The following PCDHA4 variants were observed in gnomAD, a reference collection of about 807,000 sequenced individuals.
The protein encoded by PCDHA4 is protocadherin alpha-4.
Under a neutral mutation model 61.4 loss-of-function variants are expected in PCDHA4, and 49 were observed. That is an observed-to-expected ratio of 0.80 (90% CI 0.63 to 1.01). The LOEUF (loss-of-function observed/expected upper bound fraction) is 1.01. PCDHA4 is among the 50% of genes least tolerant of loss of function. The pLI is 0.00. For missense variants in PCDHA4, 1,254 were observed against 1,235.8 expected (o/e 1.01, Z -0.22); for synonymous variants, 590 against 550.3 (o/e 1.07, Z -1.01).
In PCDHA4 at chr5:141,010,434, A is replaced by G; in HGVS notation, c.*497A>G. 9.7e-7 allele frequency: 1 copy of G among 1,031,156 alleles called. No homozygotes were observed. Among genetic ancestry groups the G allele is most frequent in the Non-Finnish European group, 1.4e-6 (1 of 732,962 alleles). 63.9% of individuals were successfully genotyped at this position (1,031,156 alleles called of 1,614,324 possible). A position where few individuals can be genotyped will look rare whatever the true frequency, so the allele number is the denominator to read the frequency against. ...TTGGTACAAGGAAGGCAAGAAAACA[A>G]AGACAAATAAACAGCGGAAGTTATC... On this transcript the variant is annotated 3_prime_UTR_variant, in exon 4 of 4. Transcript: ENST00000530339.
chr5:140,850,556 G>A (rs1554144496), intron 1 of PCDHA4: 1 of 1,598,290 alleles, frequency 6.3e-7, no homozygotes. Flanking sequence ...TGGGTGCCAC[G>A]GGCCCCGAGG....
intron 1 of PCDHA4, among the ~76,000 whole-genome samples, chr5:140,871,899 A>G (rs1160830243): frequency 2.6e-5 from 4 of 152,208 alleles, no homozygotes; most frequent in Admixed American, 2.0e-4. Context: ...CTTTTAGCAG[A>G]GTTTTGCCTT....
chr5:140,814,025 T>G (rs1765421456), intron 1 of PCDHA4: 1 of 152,870 alleles, frequency 6.5e-6, no homozygotes, highest in Non-Finnish European at 1.5e-5. Context: ...CAGTAATAAA[T>G]TAACCTTAGC....
At chr5:140,995,488 C>T (rs1402273935) in intron 3 of PCDHA4, among the ~76,000 whole-genome samples, 26 of 152,182 alleles carry the variant, frequency 1.7e-4, no homozygotes, top group Admixed American at 1.6e-3. Context: ...TATTTTCAGA[C>T]TAAGGTTGAC....
chr5:141,002,649 T>C (rs2098089134), intron 3 of PCDHA4, among the ~76,000 whole-genome samples: 2 of 152,214 alleles, frequency 1.3e-5, no homozygotes, highest in South Asian at 2.1e-4. Context: ...GTCTACTTCA[T>C]AGGGCTCTTG....
intron 1 of PCDHA4, among the ~76,000 whole-genome samples, chr5:140,901,760 G>C (rs909858668): frequency 6.6e-6 from 1 of 152,102 alleles, no homozygotes; most frequent in Admixed American, 6.5e-5. Context: ...TTTTGACAGG[G>C]ATTGCATTGA....
chr5:141,000,136 G>A (rs2097893947), intron 3 of PCDHA4, among the ~76,000 whole-genome samples: 2 of 152,034 alleles, frequency 1.3e-5, no homozygotes, highest in South Asian at 4.1e-4. Flanking sequence ...TTCACAAGAA[G>A]TAAACAAAAC....
In PCDHA4 at chr5:140,830,082, C is replaced by T. The variant is rs1330292023; in HGVS notation, c.2385+20510C>T. On this transcript the variant is annotated intron_variant, in intron 1 of 3. Coordinates refer to ENST00000530339, the MANE Select transcript of PCDHA4 (RefSeq NM_018907.4). ...GAGCCGGCGCTGACAGCGACGGCCA[C>T]GGTTCTGGTGTCGCTGGTGGAGAGT... 8.7e-6 allele frequency: 14 copies of T among 1,613,566 alleles called. No homozygotes were observed. The highest frequency in any genetic ancestry group is 1.3e-5 in the African/African-American group (1 of 75,018).
chr5:140,848,048 A>G, intron 1 of PCDHA4: 1 of 161,290 alleles, frequency 6.2e-6, no homozygotes, highest in Admixed American at 5.8e-5. Context: ...GAATCATTTT[A>G]ATTGTTACTT....
chr5:140,863,377 G>C (rs782482597), intron 1 of PCDHA4: 1 of 1,100,622 alleles, frequency 9.1e-7, no homozygotes, highest in African/African-American at 1.6e-5. Context: ...GCAGCTCACC[G>C]AGAGCTCGTG....
intron 3 of PCDHA4, among the ~76,000 whole-genome samples, chr5:141,007,395 C>CAAAAAAAAAAAAAAAA (rs35800918): frequency 3.2e-5 from 3 of 94,864 alleles, no homozygotes; most frequent in Non-Finnish European, 4.1e-5. Flanking sequence ...TACTAAAATA[C>CAAAAAAAAAAAAAAAA]AAAAAAAAAA....
At chr5:140,881,195 A>G (rs943462031) in intron 1 of PCDHA4, 1 of 173,206 alleles carries the variant, frequency 5.8e-6, no homozygotes, top group Non-Finnish European at 1.1e-5. Context: ...ATATGTTAAC[A>G]TCTTTGTCTA....
At chr5:140,872,544 C>T (rs912822292) in intron 1 of PCDHA4, among the ~76,000 whole-genome samples, 1 of 152,126 alleles carries the variant, frequency 6.6e-6, no homozygotes, top group Admixed American at 6.5e-5. Context: ...AGAGGATCCC[C>T]TGAACCCAGG....
chr5:140,889,509 C>T (rs2062255316), intron 1 of PCDHA4, among the ~76,000 whole-genome samples: 2 of 152,026 alleles, frequency 1.3e-5, no homozygotes, highest in Admixed American at 6.6e-5. Flanking sequence ...ATTTCCCTTT[C>T]CATTCTTGAT....
intron 1 of PCDHA4, among the ~76,000 whole-genome samples, chr5:140,916,511 C>G (rs2077595595): frequency 6.6e-6 from 1 of 152,132 alleles, no homozygotes; most frequent in African/African-American, 2.4e-5. Flanking sequence ...ATTAATCTTG[C>G]CAAGACTGGG....
intron 1 of PCDHA4, chr5:140,884,540 G>A (rs782638313): frequency 1.9e-6 from 3 of 1,613,998 alleles, no homozygotes; most frequent in South Asian, 2.2e-5. Flanking sequence ...GCGGCCGAGG[G>A]TGTGCTCTGG....
At chr5:140,828,625 C>T (rs1202747267) in intron 1 of PCDHA4, 5 of 1,614,096 alleles carry the variant, frequency 3.1e-6, no homozygotes, top group African/African-American at 1.3e-5. Context: ...GCGAATACTT[C>T]GGGCTAGATG....
At position 140,857,973 on chromosome 5, in the gene PCDHA4, C is replaced by G. The variant is rs114376757; in HGVS notation, c.2385+48401C>G. On this transcript the variant is annotated intron_variant, in intron 1 of 3. Transcript: ENST00000530339. ...CGCGCTCTGGATGAGACTGACTCGC[C>G]ACGCCAGCGCCTACTGGTGCTGGTG... is the stretch of plus-strand genomic sequence containing the variant. The G allele has an allele frequency of 3.1e-3, 4,989 of 1,596,810 alleles. 388 individuals carry two copies. In the African/African-American group the frequency reaches 0.058, roughly 19 times the overall value.
intron 1 of PCDHA4, among the ~76,000 whole-genome samples, chr5:140,973,344 A>G (rs1389229715): frequency 1.3e-5 from 2 of 152,258 alleles, no homozygotes; most frequent in African/African-American, 2.4e-5. Flanking sequence ...AAAGTGACAT[A>G]GTAGTGAATT....
Sources: allele counts gnomAD v4.1 joint callset (sites outside exome capture counted in the v4.1 genomes callset), GRCh38; gene constraint gnomAD v4.1.1; transcripts MANE v1.5; gene names NCBI Gene and HGNC (gene_info 2026-07-23, HGNC 2026-07-21).